NCKAP1L: variants seen among roughly 807,000 people sequenced by gnomAD.
The protein encoded by NCKAP1L is nck-associated protein 1-like.
In NCKAP1L, 53 loss-of-function variants were observed where a neutral mutation model predicts 139.2. The ratio of observed to expected loss-of-function variants is 0.38; its 90% CI spans 0.31 to 0.48. The LOEUF is 0.48. NCKAP1L is among the 20% of genes least tolerant of loss of function. NCKAP1L has a pLI of 0.98. For missense variants in NCKAP1L, 1,151 were observed against 1,381.9 expected (o/e 0.83, Z 2.65); for synonymous variants, 468 against 499.7 (o/e 0.94, Z 0.85).
chr12:54,499,571 G>C (rs1194005748), intron 2 of NCKAP1L, 106 bp downstream of exon 2: 1 of 662,662 alleles, frequency 1.5e-6, no homozygotes, highest in African/African-American at 1.8e-5. Flanking sequence ...GGATGGAGTA[G>C]TCTTTTTTTA....
rs1407573727 is a variant in NCKAP1L at position 54,512,016 on chromosome 12, T to C, written c.852T>C (p.Cys284=). ...AGTGCCAGAAGCTGTGGAAGCTGTGTCTGCAGGGCTCCCTCTACATCACCC... is the reference window on the plus strand; with the variant it reads ...AGTGCCAGAAGCTGTGGAAGCTGTGCCTGCAGGGCTCCCTCTACATCACCC... The part of the protein sequence containing the change: ...NSQCQKLWKL[C]LQGSLYITLI... Residue 284 remains cysteine (C), a synonymous_variant, in exon 9 of 31, where the codon TGT becomes TGC. Coordinates refer to ENST00000293373, the MANE Select transcript of NCKAP1L (RefSeq NM_005337.5). The C allele has an allele frequency of 2.5e-6, 4 of 1,614,100 alleles. No individual in the cohort carries two copies. Among genetic ancestry groups the C allele is most frequent in the Non-Finnish European group, 3.4e-6 (4 of 1,180,032 alleles).
At chr12:54,505,930 G>A (rs1036539467) in intron 3 of NCKAP1L, among the ~76,000 whole-genome samples, 4 of 152,170 alleles carry the variant, frequency 2.6e-5, no homozygotes, top group Admixed American at 6.5e-5. Context: ...CCAAAGTGCT[G>A]GGATTACAGG....
At chr12:54,500,420 G>A (rs550296869) in intron 2 of NCKAP1L, 113 bp from the exon 3 acceptor site, 254 of 735,166 alleles carry the variant, frequency 3.5e-4, no homozygotes, top group African/African-American at 3.4e-3. Context: ...CACTGCGCCC[G>A]GCCTCAACCC....
At position 54,524,586 on chromosome 12, in the gene NCKAP1L, T is replaced by C. The variant is rs578093696; in HGVS notation, c.2156+630T>C. Among the ~76,000 whole-genome samples, 6 of 152,306 alleles carry C rather than the reference T, an allele frequency of 3.9e-5. No homozygotes were observed. The South Asian group carries it at 1.2e-3, about 32-fold the overall frequency. ...GTCTCAGCACTTCTGTGTTTTCTTT[T>C]GGAGTATGTAGCTTATTCATTCATT... On this transcript the variant is annotated intron_variant, in intron 20 of 30. Coordinates refer to ENST00000293373, the MANE Select transcript of NCKAP1L (RefSeq NM_005337.5).
rs1320196891 is a variant in NCKAP1L at position 54,519,274 on chromosome 12, C to T, written c.1567C>T (p.Arg523Ter). 5.0e-6 allele frequency: 8 copies of T among 1,591,416 alleles called. No homozygotes were observed. The highest frequency in any genetic ancestry group is 4.5e-5 in the East Asian group (2 of 44,766). ...GATGAACCTCATTGTCTTCCACTCC[C>T]GAATGCTGGACTCCGTAGAAAAATT... ...KVMNLIVFHS[R>*]MLDSVEKLLV... Residue 523 changes from arginine to a stop codon, truncating the protein, a stop_gained, in exon 16 of 31, where the codon CGA becomes TGA. Coordinates refer to ENST00000293373, the MANE Select transcript of NCKAP1L (RefSeq NM_005337.5). LOFTEE classifies it high-confidence loss of function.
chr12:54,544,985 G>A lies in NCKAP1L; in HGVS notation c.*2300G>A, dbSNP rs920836386. The A allele has an allele frequency of 2.0e-5, 3 of 152,176 alleles. No homozygotes were observed. Among genetic ancestry groups the A allele is most frequent in the South Asian group, 2.1e-4 (1 of 4,814 alleles). The allele number at this position is 152,176 out of a possible 1,614,324, so 9.4% of individuals were successfully genotyped here. On this transcript the variant is annotated 3_prime_UTR_variant, in exon 31 of 31. Transcript: ENST00000293373. ...AGCATTCCAGGCTGAGTGACAGAGC[G>A]AGACTCTGTCTCAAAAAATAAATAA...
chr12:54,531,334 A>T lies in NCKAP1L; in HGVS notation c.2581A>T (p.Thr861Ser). The T allele has an allele frequency of 1.2e-6, 2 of 1,613,980 alleles. No homozygotes were observed. The highest frequency in any genetic ancestry group is 1.7e-6 in the Non-Finnish European group (2 of 1,179,960). Residue 861 changes from threonine to serine, a missense_variant, in exon 23 of 31, where the codon ACC becomes TCC. By Grantham distance (58) the Thr-to-Ser change is moderately conservative. Coordinates refer to ENST00000293373, the MANE Select transcript of NCKAP1L (RefSeq NM_005337.5). Reference sequence around the variant, plus strand: ...GAGTGAAAACCTGATGTGGCATGTGACCTCTCAGATTGTGGAGCTGAAGGT... The same window carrying T: ...GAGTGAAAACCTGATGTGGCATGTGTCCTCTCAGATTGTGGAGCTGAAGGT... ...FLSENLMWHV[T>S]SQIVELKKLV...
At chr12:54,510,132 T>A in intron 7 of NCKAP1L, 147 bp downstream of exon 7, 1 of 1,166,968 alleles carries the variant, frequency 8.6e-7, no homozygotes, top group Non-Finnish European at 1.2e-6. Context: ...GCACTTCTTG[T>A]AGCTAAAAAA....
chr12:54,521,115 A>G lies in NCKAP1L; in HGVS notation c.1759-4A>G. 2 of 1,613,930 alleles carry G rather than the reference A, an allele frequency of 1.2e-6. No individual in the cohort carries two copies. The highest frequency in any genetic ancestry group is 1.7e-6 in the Non-Finnish European group (2 of 1,179,940). ...GTCTCTTCTTTGGTCCCTCTTTCCC[A>G]TAGTACCCCCACCTCAAGAACCATG... On this transcript the variant is annotated splice_polypyrimidine_tract_variant and splice_region_variant and intron_variant, in intron 17 of 30. Coordinates refer to ENST00000293373, the MANE Select transcript of NCKAP1L (RefSeq NM_005337.5).
chr12:54,520,598 G>T, intron 16 of NCKAP1L, 96 bp from the exon 17 acceptor site: 2 of 1,267,134 alleles, frequency 1.6e-6, no homozygotes, highest in Non-Finnish European at 2.3e-6. Flanking sequence ...AAAGGGACTA[G>T]CTCTTAAACT....
intron 4 of NCKAP1L, 46 bp downstream of exon 4, chr12:54,507,955 G>A (rs371026781): frequency 5.7e-6 from 9 of 1,573,180 alleles, no homozygotes; most frequent in Non-Finnish European, 7.9e-6. Flanking sequence ...CAAAGAAAAG[G>A]CCAGGTCTAG....
At chr12:54,540,630 C>T (rs992610886) in intron 30 of NCKAP1L, among the ~76,000 whole-genome samples, 7 of 152,234 alleles carry the variant, frequency 4.6e-5, no homozygotes, top group Non-Finnish European at 1.5e-5. Context: ...AGTAGATGCT[C>T]AGCAAATGTT....
intron 28 of NCKAP1L, 48 bp downstream of exon 28, chr12:54,536,293 C>G: frequency 7.7e-7 from 1 of 1,302,134 alleles, no homozygotes; most frequent in Non-Finnish European, 1.1e-6. Flanking sequence ...AAGTTAGTGT[C>G]CTGGGGTAGA....
chr12:54,540,015 C>CT (rs1348511514), intron 30 of NCKAP1L, among the ~76,000 whole-genome samples: 1 of 152,194 alleles, frequency 6.6e-6, no homozygotes, highest in Non-Finnish European at 1.5e-5. Context: ...GGGGACTGGG[C>CT]TGGAAGCTTG....
intron 9 of NCKAP1L, among the ~76,000 whole-genome samples, chr12:54,515,241 C>T (rs896078932): frequency 2.0e-5 from 3 of 152,110 alleles, no homozygotes; most frequent in African/African-American, 7.2e-5. Flanking sequence ...CTTTCCAACA[C>T]CAAACTTCTT....
chr12:54,506,796 A>AAAAAAAAAAATATATATAT, intron 3 of NCKAP1L, among the ~76,000 whole-genome samples: 1 of 50,606 alleles, frequency 2.0e-5, no homozygotes, highest in African/African-American at 1.1e-4. Context: ...AAAAAAAAAA[A>AAAAAAAAAAATATATATAT]ATATATATAT....
chr12:54,530,079 C>T lies in NCKAP1L; in HGVS notation c.2507-1181C>T, dbSNP rs1664373662. Among the ~76,000 whole-genome samples the T allele has an allele frequency of 2.6e-5, 4 of 152,252 alleles. No individual in the cohort carries two copies. The South Asian group carries it at 8.3e-4, about 32-fold the overall frequency. ...TCTAACATCTACTGTGGACAAGACT[C>T]TGTGTCAGTGGCTGTGACCAGTTCC... On this transcript the variant is annotated intron_variant, in intron 22 of 30. Transcript: ENST00000293373.
In NCKAP1L at chr12:54,517,786, TC is replaced by T. The variant is rs1408702616; in HGVS notation, c.1206-19del. The T allele has an allele frequency of 1.2e-6, 2 of 1,613,784 alleles. No homozygotes were observed. Among genetic ancestry groups the T allele is most frequent in the Non-Finnish European group, 1.7e-6 (2 of 1,179,792 alleles). On this transcript the variant is annotated intron_variant, in intron 12 of 30. Coordinates refer to ENST00000293373, the MANE Select transcript of NCKAP1L (RefSeq NM_005337.5). ...TATTTCTAGTCTTATTCATCTCTGT[TC>T]TCATCCTAAACTTTATAGGAGCATT...
intron 22 of NCKAP1L, among the ~76,000 whole-genome samples, chr12:54,530,985 C>T (rs1047388733): frequency 7.2e-5 from 11 of 152,168 alleles, no homozygotes; most frequent in African/African-American, 2.7e-4. Context: ...TATAAAGGAA[C>T]ACGGGAAAGT....
Sources: gnomAD v4.1 joint callset for allele counts (sites outside exome capture counted in the v4.1 genomes callset) on GRCh38, gnomAD v4.1.1 for gene constraint, MANE v1.5 for transcripts, NCBI Gene and HGNC (gene_info 2026-07-23, HGNC 2026-07-21) for gene names.